The following ADRA1B variants were observed in gnomAD, a reference collection of about 807,000 sequenced individuals.
The protein encoded by ADRA1B is alpha-1B adrenergic receptor.
Under a neutral mutation model 17.9 loss-of-function variants are expected in ADRA1B, and 17 were observed. The observed-to-expected ratio is 0.95, with a 90% CI of 0.65 to 1.42. The LOEUF (loss-of-function observed/expected upper bound fraction) is 1.42. ADRA1B is among the 40% of genes most tolerant of loss of function. ADRA1B has a pLI of 0.00. For synonymous variants in ADRA1B, 366 were observed against 327.6 expected, an observed-to-expected ratio of 1.12 and a Z score of -1.27; for missense variants, 681 against 722.1, an observed-to-expected ratio of 0.94 and a Z score of 0.65.
At position 159,917,499 on chromosome 5, in the gene ADRA1B, C is replaced by T. The variant is rs775520347; in HGVS notation, c.594C>T (p.Thr198=). ...ACGATGACAAGGAGTGCGGGGTCACCGAAGAACCCTTCTATGCCCTCTTCT... is the reference window on the plus strand; with the variant it reads ...ACGATGACAAGGAGTGCGGGGTCACTGAAGAACCCTTCTATGCCCTCTTCT... The part of the protein sequence containing the change: ...APNDDKECGV[T]EEPFYALFSS... Residue 198 remains threonine, a synonymous_variant, in exon 1 of 2, where the codon ACC becomes ACT. Coordinates refer to ENST00000306675, the MANE Select transcript of ADRA1B (RefSeq NM_000679.4). 1.1e-5 allele frequency: 17 copies of T among 1,613,914 alleles called. No homozygotes were observed. The East Asian group carries it at 1.1e-4, about 11-fold the overall frequency.
chr5:159,899,263 A>AAGGAAGGAAGG (rs1754070513), intron 1 of ADRA1B, among the ~76,000 whole-genome samples: 1 of 106,412 alleles, frequency 9.4e-6, no homozygotes, highest in Admixed American at 9.3e-5. Flanking sequence ...AGGAAGGAAG[A>AAGGAAGGAAGG]AAGGAAGGAA....
intron 1 of ADRA1B, among the ~76,000 whole-genome samples, chr5:159,940,736 A>G (rs1755101764): frequency 6.6e-6 from 1 of 150,516 alleles, no homozygotes; most frequent in Non-Finnish European, 1.5e-5. Context: ...ATACACACAC[A>G]CTCCCCCTCA....
At chr5:159,954,266 C>T (rs1025353972) in intron 1 of ADRA1B, among the ~76,000 whole-genome samples, 8 of 152,266 alleles carry the variant, frequency 5.3e-5, no homozygotes, top group South Asian at 4.1e-4. Context: ...GCTGGAAGTC[C>T]GAGATCAGGG....
chr5:159,872,041 A>G (rs1213647588), intron 1 of ADRA1B, among the ~76,000 whole-genome samples: 3 of 152,200 alleles, frequency 2.0e-5, no homozygotes, highest in Admixed American at 6.5e-5. Context: ...TTGCTTTTTC[A>G]TGTCCTAATC....
At chr5:159,953,071 A>G (rs10042469) in intron 1 of ADRA1B, among the ~76,000 whole-genome samples, 4,861 of 152,284 alleles carry the variant, frequency 0.032, 264 homozygotes, top group African/African-American at 0.11. Context: ...GAAAGTGACA[A>G]TGTCAAGAGC....
chr5:159,925,299 T>G (rs1754614340), intron 1 of ADRA1B, among the ~76,000 whole-genome samples: 1 of 152,182 alleles, frequency 6.6e-6, no homozygotes, highest in Admixed American at 6.5e-5. Context: ...TAAAAATAAT[T>G]GGGTCGTTCC....
chr5:159,956,675 C>T (rs1755555012), intron 1 of ADRA1B, among the ~76,000 whole-genome samples: 1 of 152,132 alleles, frequency 6.6e-6, no homozygotes, highest in Non-Finnish European at 1.5e-5. Flanking sequence ...CTTACGTAGG[C>T]TAAATTTCTG....
intron 1 of ADRA1B, among the ~76,000 whole-genome samples, chr5:159,929,629 C>T (rs553135747): frequency 6.6e-6 from 1 of 151,840 alleles, no homozygotes; most frequent in East Asian, 1.9e-4. Context: ...GACTTAGGAC[C>T]ACAGGGAACT....
At chr5:159,922,965 G>T (rs1581036460) in intron 1 of ADRA1B, among the ~76,000 whole-genome samples, 1 of 151,172 alleles carries the variant, frequency 6.6e-6, no homozygotes, top group Non-Finnish European at 1.5e-5. Context: ...CTAAAACAGG[G>T]GTTAGTACAT....
intron 1 of ADRA1B, among the ~76,000 whole-genome samples, chr5:159,962,500 G>C (rs935578752): frequency 2.6e-5 from 4 of 152,128 alleles, no homozygotes; most frequent in African/African-American, 9.6e-5. Flanking sequence ...TCACCTGTGA[G>C]GGACCTCGCA....
chr5:159,979,387 G>C, the ADRA1B span, among the ~76,000 whole-genome samples: 3 of 152,182 alleles, frequency 2.0e-5, no homozygotes, highest in Non-Finnish European at 2.9e-5. Flanking sequence ...TTGTCATGAA[G>C]ATCAGTTACA....
chr5:159,962,174 G>A (rs1457829097), intron 1 of ADRA1B, among the ~76,000 whole-genome samples: 1 of 152,042 alleles, frequency 6.6e-6, no homozygotes, highest in Non-Finnish European at 1.5e-5. Flanking sequence ...CTCCAGCCTG[G>A]GCAACAGAGT....
intron 1 of ADRA1B, among the ~76,000 whole-genome samples, chr5:159,904,456 C>T (rs1754138219): frequency 6.6e-6 from 1 of 152,196 alleles, no homozygotes; most frequent in South Asian, 2.1e-4. Flanking sequence ...ATCCTGAATG[C>T]AAATGGGTAC....
intron 1 of ADRA1B, among the ~76,000 whole-genome samples, chr5:159,903,676 A>G (rs1216166790): frequency 1.3e-5 from 2 of 152,110 alleles, no homozygotes; most frequent in Non-Finnish European, 2.9e-5. Flanking sequence ...ACTCAGCTCC[A>G]TTCACACCCA....
At chr5:159,982,260 A>G in the ADRA1B span, among the ~76,000 whole-genome samples, 1 of 152,226 alleles carries the variant, frequency 6.6e-6, no homozygotes, top group African/African-American at 2.4e-5. Context: ...GCCCTAGAAA[A>G]GTCCATTCTG....
At chr5:159,943,990 C>G (rs770731166) in intron 1 of ADRA1B, among the ~76,000 whole-genome samples, 1 of 151,948 alleles carries the variant, frequency 6.6e-6, no homozygotes, top group Non-Finnish European at 1.5e-5. Context: ...CTTCTTGGTT[C>G]TCTCTTCCTT....
chr5:159,962,147 G>A (rs970558999), intron 1 of ADRA1B, among the ~76,000 whole-genome samples: 2 of 152,114 alleles, frequency 1.3e-5, no homozygotes, highest in African/African-American at 4.8e-5. Context: ...GCAGTGAGCC[G>A]AGATTGCACC....
intron 1 of ADRA1B, among the ~76,000 whole-genome samples, chr5:159,920,499 T>C (rs1269689565): frequency 1.3e-5 from 2 of 152,128 alleles, no homozygotes; most frequent in Non-Finnish European, 2.9e-5. Context: ...CTTGTTTCTC[T>C]TCTCCTTGCG....
Position 159,972,300 on chromosome 5 carries a change from C to T in ADRA1B, c.1371C>T (p.Pro457=), listed in dbSNP as rs571611101. 9 of 1,424,018 alleles carry T rather than the reference C, an allele frequency of 6.3e-6. No homozygotes were observed. The Admixed American group carries it at 8.4e-5, about 13-fold the overall frequency. 88.2% of individuals were successfully genotyped at this position (1,424,018 alleles called of 1,614,324 possible). The change falls in exon 2 of 2, where the codon CCC becomes CCT. Residue 457 remains proline, a synonymous_variant. Transcript: ENST00000306675. The part of the protein sequence containing the change: ...WKAPGALLSL[P]APEPPGRRGR... ...CGCCCGGCGCCCTCCTGAGCCTGCCCGCGCCTGAGCCCCCCGGCCGCCGCG... is the reference window on the plus strand; with the variant it reads ...CGCCCGGCGCCCTCCTGAGCCTGCCTGCGCCTGAGCCCCCCGGCCGCCGCG...
Sources: gnomAD v4.1 joint callset for allele counts (sites outside exome capture counted in the v4.1 genomes callset) on GRCh38, gnomAD v4.1.1 for gene constraint, MANE v1.5 for transcripts, NCBI Gene and HGNC (gene_info 2026-07-23, HGNC 2026-07-21) for gene names.